Variants in ZC3H13 observed in about 807,000 individuals in gnomAD.
ZC3H13 encodes zinc finger CCCH domain-containing protein 13.
In ZC3H13, 64 loss-of-function variants were observed where a neutral mutation model predicts 204.1. That is an observed-to-expected ratio of 0.31 (90% CI 0.26 to 0.39). ZC3H13 has a LOEUF of 0.39. Ranked by LOEUF, ZC3H13 falls within the 10% of genes least tolerant of loss-of-function variation. The probability of loss-of-function intolerance (pLI) is 1.00; values close to 1 mark genes in which losing one functional copy is unlikely to be tolerated. For missense variants in ZC3H13, 1,833 were observed against 2,082.7 expected (o/e 0.88, Z 2.33); for synonymous variants, 667 against 693.7 (o/e 0.96, Z 0.60).
chr13:46,036,478 G>C (rs573328130), intron 4 of ZC3H13, among the ~76,000 whole-genome samples: 6 of 151,860 alleles, frequency 4.0e-5, no homozygotes, highest in Non-Finnish European at 4.4e-5. Context: ...GGGTGGGGTA[G>C]GAAACATAAA....
chr13:45,963,768 C>T, intron 17 of ZC3H13, 74 bp downstream of exon 17: 1 of 1,595,136 alleles, frequency 6.3e-7, no homozygotes, highest in Non-Finnish European at 8.5e-7. Flanking sequence ...TACATAAGAA[C>T]AGATCAGAAT....
intron 4 of ZC3H13, among the ~76,000 whole-genome samples, chr13:46,039,701 G>T (rs1275358155): frequency 6.6e-6 from 1 of 152,106 alleles, no homozygotes; most frequent in East Asian, 1.9e-4. Flanking sequence ...CAAATAAACT[G>T]TATTAAAAAC....
intron 10 of ZC3H13, among the ~76,000 whole-genome samples, chr13:45,981,085 T>TA (rs954069081): frequency 1.1e-4 from 17 of 151,840 alleles, no homozygotes; most frequent in African/African-American, 2.9e-4. Context: ...AAATGAAATT[T>TA]AAAAAAAAGC....
chr13:46,048,601 A>AAC (rs1484403288), intron 1 of ZC3H13, among the ~76,000 whole-genome samples: 1 of 151,044 alleles, frequency 6.6e-6, no homozygotes, highest in East Asian at 1.9e-4. Flanking sequence ...AAAAAAAAAA[A>AAC]AAAACTTTGA....
intron 4 of ZC3H13, among the ~76,000 whole-genome samples, chr13:46,039,420 T>C (rs1566350424): frequency 6.6e-6 from 1 of 152,344 alleles, no homozygotes; most frequent in South Asian, 2.1e-4. Flanking sequence ...TTATTACGCA[T>C]GTGTCATCAT....
Position 45,999,137 on chromosome 13 carries a change from G to C in ZC3H13, c.944+4002C>G, listed in dbSNP as rs557795386. Among the ~76,000 whole-genome samples the C allele has an allele frequency of 2.6e-5, 4 of 152,256 alleles. No individual in the cohort carries two copies. In the East Asian group the frequency reaches 7.7e-4, roughly 29 times the overall value. On this transcript the variant is annotated intron_variant, in intron 8 of 18. Transcript: ENST00000679008. ...AGCCTGTAAGCCCAGCTACTTGGGA[G>C]GGTGAGGTGGGAGGATCACTTCACC...
chr13:45,987,148 C>A (rs2039600473), intron 9 of ZC3H13, among the ~76,000 whole-genome samples: 1 of 152,172 alleles, frequency 6.6e-6, no homozygotes, highest in African/African-American at 2.4e-5. Flanking sequence ...TCTTTACCTA[C>A]CTCCCTATCC....
Position 45,955,359 on chromosome 13 carries a change from T to A in ZC3H13, c.*1768A>T, listed in dbSNP as rs990439015. 2.0e-5 allele frequency: 3 copies of A among 152,198 alleles called. No homozygotes were observed. The highest frequency in any genetic ancestry group is 7.2e-5 in the African/African-American group (3 of 41,460). The allele number at this position is 152,198 out of a possible 1,614,324, so 9.4% of individuals were successfully genotyped here. ...AACATAAAGCTCTGAATGCTGTGACTGAGTGAACAAAGGAATAGTTCTAAA... is the reference window on the plus strand; with the variant it reads ...AACATAAAGCTCTGAATGCTGTGACAGAGTGAACAAAGGAATAGTTCTAAA... On this transcript the variant is annotated 3_prime_UTR_variant, in exon 19 of 19. Coordinates refer to ENST00000679008, the MANE Select transcript of ZC3H13 (RefSeq NM_001330564.2).
rs1470316397 is a variant in ZC3H13, at chr13:46,042,200, C to T, written c.303G>A (p.Gln101=). ...NKRQDVDTEP[Q]KRNTEESSSP... ...AGGATGACTCCTCTGTATTTCGTTT[C>T]TGGGGCTCAGTGTCCACGTCTTGGC... is the stretch of plus-strand genomic sequence containing the variant. The change falls in exon 4 of 19, where the codon CAG becomes CAA. Residue 101 remains glutamine (Q), a synonymous_variant. Transcript: ENST00000679008. 2.0e-5 allele frequency: 32 copies of T among 1,613,372 alleles called. No individual in the cohort carries two copies. The highest frequency in any genetic ancestry group is 2.7e-5 in the Non-Finnish European group (32 of 1,179,544).
rs189923153 is a variant in ZC3H13 at position 46,018,717 on chromosome 13, C to T, written c.448+1732G>A. On this transcript the variant is annotated intron_variant, in intron 5 of 18. Transcript: ENST00000679008. The stretch of plus-strand genomic sequence containing the variant: ...TTATGGAGAAGGTTTGACATACCTA[C>T]CAGGAAGAAAAAGAACAGACTTGGG... Among the ~76,000 whole-genome samples, 5 of 152,110 alleles carry T rather than the reference C, an allele frequency of 3.3e-5. No homozygotes were observed. In the East Asian group the frequency reaches 9.7e-4, roughly 29 times the overall value.
intron 4 of ZC3H13, among the ~76,000 whole-genome samples, chr13:46,039,781 T>C (rs1430254459): frequency 6.6e-6 from 1 of 152,234 alleles, no homozygotes; most frequent in Non-Finnish European, 1.5e-5. Context: ...GTGTGTCTGT[T>C]TATAATATAC....
In ZC3H13 at chr13:45,955,582, G is replaced by A. The variant is rs1424685225; in HGVS notation, c.*1545C>T. On this transcript the variant is annotated 3_prime_UTR_variant, in exon 19 of 19. Transcript: ENST00000679008. ...TGAGAACTAGGATTAGAAATTCTAG[G>A]ACTTTAAATCTTTGTGCTACAGAGA... 6.6e-6 allele frequency: 1 copy of A among 152,038 alleles called. No individual in the cohort carries two copies. The allele number at this position is 152,038 out of a possible 1,614,324, so 9.4% of individuals were successfully genotyped here.
intron 17 of ZC3H13, chr13:45,962,055 C>T (rs1951730763): frequency 3.6e-6 from 2 of 560,126 alleles, no homozygotes; most frequent in Non-Finnish European, 4.5e-6. Flanking sequence ...CTTGAATAGA[C>T]AAAATGGAAA....
At chr13:45,986,642 T>G (rs1042665787) in intron 9 of ZC3H13, among the ~76,000 whole-genome samples, 1 of 152,192 alleles carries the variant, frequency 6.6e-6, no homozygotes, top group Non-Finnish European at 1.5e-5. Context: ...AAATTGATTA[T>G]AACAAATCTG....
chr13:45,960,074 C>T (rs1265617180), intron 17 of ZC3H13, among the ~76,000 whole-genome samples: 1 of 152,072 alleles, frequency 6.6e-6, no homozygotes, highest in Non-Finnish European at 1.5e-5. Context: ...GCCTCAGCTT[C>T]CCGAGTAGCT....
chr13:46,014,721 T>C (rs184915059), intron 5 of ZC3H13, among the ~76,000 whole-genome samples: 5 of 152,300 alleles, frequency 3.3e-5, no homozygotes, highest in Non-Finnish European at 7.4e-5. Flanking sequence ...GAGTAAAATA[T>C]GAAATTTCCC....
chr13:46,002,023 C>T (rs1330818289), intron 8 of ZC3H13, among the ~76,000 whole-genome samples: 2 of 150,006 alleles, frequency 1.3e-5, no homozygotes, highest in Middle Eastern at 3.2e-3. Flanking sequence ...GGTTAATGTC[C>T]AGAATATATA....
rs1270958848 is a variant in ZC3H13 at position 45,975,421 on chromosome 13, G to A, written c.2330C>T (p.Ala777Val). Residue 777 changes from alanine (A) to valine (V), a missense_variant, in exon 12 of 19, where the codon GCG becomes GTG. Ala to Val is a moderately conservative substitution (Grantham distance 64). This residue lies in a region of ZC3H13 where 1,574 missense variants were observed against 1,757.2 expected (regional missense o/e 0.90). Transcript: ENST00000679008. ...TTCTCGTTCTTTATCCCTTTCTCTCGCTCTTTCTCGTTCCCGTTCTCGCTC... is the reference window on the plus strand; with the variant it reads ...TTCTCGTTCTTTATCCCTTTCTCTCACTCTTTCTCGTTCCCGTTCTCGCTC... ...ERERERERER[A>V]RERDKERERQ... 5.0e-6 allele frequency: 8 copies of A among 1,612,480 alleles called. No homozygotes were observed. The highest frequency in any genetic ancestry group is 2.2e-5 in the East Asian group (1 of 44,816).
intron 4 of ZC3H13, among the ~76,000 whole-genome samples, chr13:46,029,335 G>T (rs182988823): frequency 1.4e-3 from 206 of 151,894 alleles, no homozygotes; most frequent in African/African-American, 4.7e-3. Context: ...GAAAGCACCA[G>T]ATGGTTTATA....
Sources: allele counts gnomAD v4.1 joint callset (sites outside exome capture counted in the v4.1 genomes callset), GRCh38; gene constraint gnomAD v4.1.1; regional missense constraint gnomAD v4.1.1; transcripts MANE v1.5; gene names NCBI Gene and HGNC (gene_info 2026-07-23, HGNC 2026-07-21).